ABTB3: variants seen among roughly 807,000 people sequenced by gnomAD.
ABTB3 encodes ankyrin repeat- and BTB/POZ domain-containing protein 3.
chr12:107,482,961 TTTCTTTCTTTCTTTCTTTCTTTCTTTCC>T, the ABTB3 span, among the ~76,000 whole-genome samples: 2,277 of 72,474 alleles, frequency 0.031, 77 homozygotes, highest in South Asian at 0.038. Flanking sequence ...TCTTTCTTTC[TTTCTTTCTTTCTTTCTTTCTTTCTTTCC>T]TTCCTTCCTT....
the ABTB3 span, chr12:107,319,200 G>T: frequency 6.3e-7 from 1 of 1,591,182 alleles, no homozygotes; most frequent in Non-Finnish European, 8.5e-7. Context: ...GGCCAGCACT[G>T]CTCGCGGCTG....
At chr12:107,342,823 G>T in the ABTB3 span, among the ~76,000 whole-genome samples, 6 of 152,180 alleles carry the variant, frequency 3.9e-5, no homozygotes, top group East Asian at 5.8e-4. Flanking sequence ...ATTTCTTGGG[G>T]TTGCTCCCAT....
the ABTB3 span, chr12:107,319,741 C>T: frequency 6.6e-7 from 1 of 1,525,698 alleles, no homozygotes; most frequent in Admixed American, 2.0e-5. Context: ...CTGGGTCAGG[C>T]TCGGGCTCCG....
At chr12:107,402,117 T>C in the ABTB3 span, among the ~76,000 whole-genome samples, 2 of 152,192 alleles carry the variant, frequency 1.3e-5, no homozygotes, top group African/African-American at 4.8e-5. Context: ...CTTTATTCAA[T>C]AAAGTGAATA....
At chr12:107,351,480 T>A in the ABTB3 span, among the ~76,000 whole-genome samples, 1 of 152,162 alleles carries the variant, frequency 6.6e-6, no homozygotes, top group Non-Finnish European at 1.5e-5. Flanking sequence ...TTTGAATGCA[T>A]CCCCCAAGGT....
the ABTB3 span, among the ~76,000 whole-genome samples, chr12:107,651,143 C>T: frequency 1.3e-5 from 2 of 152,024 alleles, no homozygotes; most frequent in African/African-American, 4.8e-5. Context: ...GGCCAGGTTA[C>T]AGCAGCGATG....
chr12:107,552,056 T>C, the ABTB3 span, among the ~76,000 whole-genome samples: 8 of 152,206 alleles, frequency 5.3e-5, no homozygotes, highest in Non-Finnish European at 4.4e-5. Context: ...CCAGCCATAA[T>C]CTTCCTTTTC....
chr12:107,634,417 T>C, the ABTB3 span, among the ~76,000 whole-genome samples: 1 of 151,894 alleles, frequency 6.6e-6, no homozygotes, highest in Non-Finnish European at 1.5e-5. Flanking sequence ...CCAAATATAT[T>C]TGTAGAGGGT....
chr12:107,385,660 T>G, the ABTB3 span, among the ~76,000 whole-genome samples: 1 of 152,162 alleles, frequency 6.6e-6, no homozygotes, highest in South Asian at 2.1e-4. Flanking sequence ...AGCTCCCACC[T>G]AGGTCCTTGC....
the ABTB3 span, among the ~76,000 whole-genome samples, chr12:107,410,020 G>A: frequency 3.3e-5 from 5 of 152,010 alleles, no homozygotes; most frequent in East Asian, 1.9e-4. Context: ...AACTGAACAC[G>A]TTGCATACCC....
At chr12:107,470,668 C>A in the ABTB3 span, among the ~76,000 whole-genome samples, 1 of 152,200 alleles carries the variant, frequency 6.6e-6, no homozygotes, top group African/African-American at 2.4e-5. Flanking sequence ...CGTCACTTAT[C>A]ATGATTGCTA....
At chr12:107,538,619 T>C in the ABTB3 span, among the ~76,000 whole-genome samples, 1 of 152,166 alleles carries the variant, frequency 6.6e-6, no homozygotes, top group Non-Finnish European at 1.5e-5. Flanking sequence ...CAGGCCTCCG[T>C]TGTTGTTGAG....
chr12:107,397,743 T>C, the ABTB3 span, among the ~76,000 whole-genome samples: 6 of 152,200 alleles, frequency 3.9e-5, no homozygotes, highest in African/African-American at 1.4e-4. Flanking sequence ...TTCAGTTTCA[T>C]GTTTAGGTCA....
chr12:107,431,757 G>A, the ABTB3 span, among the ~76,000 whole-genome samples: 4 of 152,228 alleles, frequency 2.6e-5, no homozygotes, highest in Non-Finnish European at 4.4e-5. Flanking sequence ...CCTAATAGCA[G>A]TAACTTTAGC....
chr12:107,469,241 G>A, the ABTB3 span, among the ~76,000 whole-genome samples: 2 of 152,186 alleles, frequency 1.3e-5, no homozygotes, highest in South Asian at 2.1e-4. Context: ...GTTTCCTGTG[G>A]GTGGTTGGCT....
chr12:107,319,124 C>T, the ABTB3 span: 1 of 1,606,260 alleles, frequency 6.2e-7, no homozygotes, highest in Non-Finnish European at 8.5e-7. Flanking sequence ...CATGCACAGC[C>T]GGCACAACAG....
the ABTB3 span, among the ~76,000 whole-genome samples, chr12:107,518,189 G>A: frequency 4.5e-4 from 68 of 152,142 alleles, no homozygotes; most frequent in Non-Finnish European, 8.7e-4. Context: ...CAACCATTGT[G>A]GAAGACAGTG....
chr12:107,482,384 C>A, the ABTB3 span, among the ~76,000 whole-genome samples: 1 of 152,160 alleles, frequency 6.6e-6, no homozygotes, highest in Non-Finnish European at 1.5e-5. Flanking sequence ...GAGCCAGCCA[C>A]CCCAGTGGAG....
the ABTB3 span, among the ~76,000 whole-genome samples, chr12:107,508,700 G>C: frequency 6.6e-6 from 1 of 151,686 alleles, no homozygotes; most frequent in African/African-American, 2.4e-5. Context: ...TGCCTGACTC[G>C]GCCTCCCAAA....
Sources: gnomAD v4.1 joint callset for allele counts (sites outside exome capture counted in the v4.1 genomes callset) on GRCh38, gnomAD v4.1.1 for gene constraint, MANE v1.5 for transcripts, NCBI Gene and HGNC (gene_info 2026-07-23, HGNC 2026-07-21) for gene names.